The following ETNPPL variants were observed in gnomAD, a reference collection of about 807,000 sequenced individuals.
The protein encoded by ETNPPL is ethanolamine-phosphate phospho-lyase.
Under a neutral mutation model 55.5 loss-of-function variants are expected in ETNPPL, and 30 were observed. The observed-to-expected ratio is 0.54, with a 90% confidence interval of 0.40 to 0.73. ETNPPL has a LOEUF of 0.73. Ranked by LOEUF, ETNPPL falls within the 30% of genes least tolerant of loss-of-function variation. The probability of loss-of-function intolerance (pLI) is 0.00; values close to 1 mark genes in which losing one functional copy is unlikely to be tolerated. For missense variants in ETNPPL, 528 were observed against 607.9 expected (o/e 0.87, Z 1.38); for synonymous variants, 202 against 207.2 (o/e 0.98, Z 0.21).
chr4:108,761,718 A>G lies in ETNPPL; in HGVS notation c.56+1125T>C, dbSNP rs372262581. Among the ~76,000 whole-genome samples, 3 of 152,292 alleles carry G rather than the reference A, an allele frequency of 2.0e-5. 1 individual carries two copies. The highest frequency in any genetic ancestry group is 7.2e-5 in the African/African-American group (3 of 41,544). On this transcript the variant is annotated intron_variant, in intron 1 of 12. Coordinates refer to ENST00000296486, the MANE Select transcript of ETNPPL (RefSeq NM_031279.4). ...AACTAACGCAGTGAGTGATTAGAAA[A>G]AGTAGGGTAGTGATTGATTAATGGG...
At chr4:108,761,166 G>C (rs1410488138) in intron 1 of ETNPPL, among the ~76,000 whole-genome samples, 1 of 152,018 alleles carries the variant, frequency 6.6e-6, no homozygotes, top group Non-Finnish European at 1.5e-5. Context: ...TTTCACAAAG[G>C]CTTCTAATCT....
chr4:108,753,973 C>CTTTTTTTTTTTTTTTT (rs1213568977), intron 5 of ETNPPL, among the ~76,000 whole-genome samples: 4 of 122,786 alleles, frequency 3.3e-5, no homozygotes, highest in Non-Finnish European at 5.1e-5. Context: ...TTTTTCTTTT[C>CTTTTTTTTTTTTTTTT]TTTTTTTTTT....
intron 12 of ETNPPL, among the ~76,000 whole-genome samples, chr4:108,742,878 CTTCTT>C (rs1466126795): frequency 1.3e-5 from 2 of 151,374 alleles, no homozygotes; most frequent in African/African-American, 4.9e-5. Flanking sequence ...GTGCTGAACA[CTTCTT>C]TTGTTTTGTT....
At position 108,748,838 on chromosome 4, in the gene ETNPPL, A is replaced by C. The variant is rs530670586; in HGVS notation, c.927+400T>G. The stretch of plus-strand genomic sequence containing the variant: ...CAACCATCTATCATTGGAAAAATTA[A>C]TAAGCCTGTTTTAGGACAGGTAAAG... On this transcript the variant is annotated intron_variant, in intron 8 of 12. Coordinates refer to ENST00000296486, the MANE Select transcript of ETNPPL (RefSeq NM_031279.4). Among the ~76,000 whole-genome samples, 12 of 152,322 alleles carry C rather than the reference A, an allele frequency of 7.9e-5. No homozygotes were observed. In the South Asian group the frequency reaches 2.5e-3, roughly 32 times the overall value.
At chr4:108,754,209 C>T (rs1005197684) in intron 5 of ETNPPL, among the ~76,000 whole-genome samples, 28 of 152,052 alleles carry the variant, frequency 1.8e-4, no homozygotes, top group Admixed American at 3.9e-4. Context: ...AATTCCTGAC[C>T]TCCAGTGATC....
At position 108,762,924 on chromosome 4, in the gene ETNPPL, A is replaced by G. The variant is rs1428986947; in HGVS notation, c.-26T>C. The G allele has an allele frequency of 6.2e-7, 1 of 1,607,266 alleles. No individual in the cohort carries two copies. The highest frequency in any genetic ancestry group is 1.3e-5 in the African/African-American group (1 of 74,798). On this transcript the variant is annotated 5_prime_UTR_variant, in exon 1 of 13. Transcript: ENST00000296486. Reference sequence around the variant, plus strand: ...GGTGGCGGGGTGCAGGGCGCTGCGAAGGTGCAAGGTGCAAGGTCTGCGCGC... The same window carrying G: ...GGTGGCGGGGTGCAGGGCGCTGCGAGGGTGCAAGGTGCAAGGTCTGCGCGC...
chr4:108,762,096 C>A, intron 1 of ETNPPL: 1 of 207,704 alleles, frequency 4.8e-6, no homozygotes, highest in Non-Finnish European at 1.0e-5. Flanking sequence ...AATGTTATTC[C>A]TACTTTCATA....
At chr4:108,756,765 G>A (rs537252679) in intron 3 of ETNPPL, among the ~76,000 whole-genome samples, 2 of 152,264 alleles carry the variant, frequency 1.3e-5, no homozygotes, top group East Asian at 3.9e-4. Flanking sequence ...GGTGGAGATT[G>A]CAGTGAGTGG....
chr4:108,761,705 G>A (rs1729514316), intron 1 of ETNPPL, among the ~76,000 whole-genome samples: 1 of 152,190 alleles, frequency 6.6e-6, no homozygotes, highest in African/African-American at 2.4e-5. Flanking sequence ...CTAACGCAGT[G>A]AGTGATTAGA....
chr4:108,762,813 G>A lies in ETNPPL; in HGVS notation c.56+30C>T, dbSNP rs1256494194. 4 of 1,612,438 alleles carry A rather than the reference G, an allele frequency of 2.5e-6. No homozygotes were observed. In the Admixed American group the frequency reaches 5.0e-5, roughly 20 times the overall value. On this transcript the variant is annotated intron_variant, in intron 1 of 12. Transcript: ENST00000296486. ...CTGCACTCGTTATTGCCCCCTCTCT[G>A]CACTTACTTCCGGGCCAGGGTGCCC...
intron 11 of ETNPPL, among the ~76,000 whole-genome samples, chr4:108,744,920 T>C (rs930882881): frequency 5.3e-5 from 8 of 152,064 alleles, no homozygotes; most frequent in African/African-American, 2.4e-5. Context: ...AGACAACCTT[T>C]CACCGTGTTG....
intron 8 of ETNPPL, among the ~76,000 whole-genome samples, chr4:108,748,864 A>T: frequency 6.6e-6 from 1 of 152,140 alleles, no homozygotes; most frequent in East Asian, 1.9e-4. Context: ...ACAGGTAAAG[A>T]TACACAAGCA....
In ETNPPL at chr4:108,753,664, C is replaced by T. The variant is rs181850482; in HGVS notation, c.502-653G>A. The stretch of plus-strand genomic sequence containing the variant: ...GGCTGAGGCTGAAGAATCGCTTGAA[C>T]GCTGTAAGCGGAGGTTTCAGTGAGC... On this transcript the variant is annotated intron_variant, in intron 5 of 12. Coordinates refer to ENST00000296486, the MANE Select transcript of ETNPPL (RefSeq NM_031279.4). Among the ~76,000 whole-genome samples the T allele has an allele frequency of 3.9e-5, 6 of 152,088 alleles. No individual in the cohort carries two copies. The East Asian group carries it at 5.8e-4, about 15-fold the overall frequency.
Position 108,752,906 on chromosome 4 carries a change from T to C in ETNPPL, c.607A>G (p.Ser203Gly), listed in dbSNP as rs1728979498. 5 of 1,586,976 alleles carry C rather than the reference T, an allele frequency of 3.2e-6. No homozygotes were observed. Among genetic ancestry groups the C allele is most frequent in the Non-Finnish European group, 4.3e-6 (5 of 1,157,526 alleles). ...CTATAAATACAAACCTTCCTTCCAC[T>C]GTTATGAGCATCTTCAATGATTTTC... Reference protein sequence around the residue: ...VKKIIEDAHNSGRKIAAFIAE... With the variant: ...VKKIIEDAHNGGRKIAAFIAE... Residue 203 changes from serine to glycine, a missense_variant, in exon 6 of 13, where the codon AGT becomes GGT. Ser to Gly is a moderately conservative substitution (Grantham distance 56). Transcript: ENST00000296486.
chr4:108,759,637 C>T, intron 3 of ETNPPL, 112 bp downstream of exon 3: 2 of 1,122,080 alleles, frequency 1.8e-6, no homozygotes, highest in Non-Finnish European at 2.5e-6. Flanking sequence ...TGGCAAGAAA[C>T]TCAGCAAACC....
chr4:108,747,892 C>T lies in ETNPPL; in HGVS notation c.1082+113G>A, dbSNP rs956938078. 34 of 853,808 alleles carry T rather than the reference C, an allele frequency of 4.0e-5. No individual in the cohort carries two copies. In the African/African-American group the frequency reaches 4.1e-4, roughly 10 times the overall value. 52.9% of individuals were successfully genotyped at this position (853,808 alleles called of 1,614,324 possible). On this transcript the variant is annotated intron_variant, in intron 9 of 12. Coordinates refer to ENST00000296486, the MANE Select transcript of ETNPPL (RefSeq NM_031279.4). ...TATTTGTGTGTGCCACCACACCTGG[C>T]TAATTTTTTGTAGTTTTAATAGAGA...
intron 11 of ETNPPL, among the ~76,000 whole-genome samples, chr4:108,745,359 G>A (rs1383748763): frequency 1.3e-5 from 2 of 152,112 alleles, no homozygotes; most frequent in South Asian, 2.1e-4. Flanking sequence ...CACTTTGGGA[G>A]GCTGAGGTGA....
chr4:108,753,749 T>TAAGAACGAAAGAAAGAAAGA (rs1245512268), intron 5 of ETNPPL, among the ~76,000 whole-genome samples: 1 of 76,712 alleles, frequency 1.3e-5, no homozygotes, highest in Non-Finnish European at 2.4e-5. Context: ...CTCAAATAAA[T>TAAGAACGAAAGAAAGAAAGA]AAGAAAGAAA....
At position 108,742,406 on chromosome 4, in the gene ETNPPL, G is replaced by C; in HGVS notation, c.*78C>G. ...CAATTCCACCTTTAGAGGTATAATAGAGCTATTAACCGATGAGACACATCT... is the reference window on the plus strand; with the variant it reads ...CAATTCCACCTTTAGAGGTATAATACAGCTATTAACCGATGAGACACATCT... On this transcript the variant is annotated 3_prime_UTR_variant, in exon 13 of 13. Transcript: ENST00000296486. 2.1e-6 allele frequency: 3 copies of C among 1,435,230 alleles called. No homozygotes were observed. Among genetic ancestry groups the C allele is most frequent in the Non-Finnish European group, 2.9e-6 (3 of 1,027,654 alleles). The allele number at this position is 1,435,230 out of a possible 1,614,324, so 88.9% of individuals were successfully genotyped here. A position where few individuals can be genotyped will look rare whatever the true frequency, so the allele number is the denominator to read the frequency against.
Sources: gnomAD v4.1 joint callset for allele counts (sites outside exome capture counted in the v4.1 genomes callset) on GRCh38, gnomAD v4.1.1 for gene constraint, MANE v1.5 for transcripts, NCBI Gene and HGNC (gene_info 2026-07-23, HGNC 2026-07-21) for gene names.